Variants in MED12L observed in about 807,000 individuals in gnomAD.
The protein encoded by MED12L is mediator of RNA polymerase II transcription subunit 12-like protein.
A neutral mutation model predicts 281.3 loss-of-function variants in MED12L; 60 were observed. That is an observed-to-expected ratio of 0.21 (90% CI 0.17 to 0.26). The LOEUF (loss-of-function observed/expected upper bound fraction) is 0.26. Ranked by LOEUF, MED12L falls within the 10% of genes least tolerant of loss-of-function variation. The pLI is 1.00. For synonymous variants in MED12L, 974 were observed against 987.2 expected, an observed-to-expected ratio of 0.99 and a Z score of 0.25; for missense variants, 2,146 against 2,680.9, an observed-to-expected ratio of 0.80 and a Z score of 4.41.
intron 16 of MED12L, among the ~76,000 whole-genome samples, chr3:151,300,809 C>G (rs1420580119): frequency 6.6e-6 from 1 of 152,130 alleles, no homozygotes; most frequent in Non-Finnish European, 1.5e-5. Context: ...GCTGAGATAG[C>G]AGGGAAAGGG....
chr3:151,200,742 A>G (rs1266999488), intron 16 of MED12L, among the ~76,000 whole-genome samples: 1 of 152,268 alleles, frequency 6.6e-6, no homozygotes, highest in East Asian at 1.9e-4. Flanking sequence ...GAATAATGTC[A>G]TTCTTTACCA....
chr3:151,314,635 A>G (rs1345398436), intron 16 of MED12L, among the ~76,000 whole-genome samples: 12 of 152,338 alleles, frequency 7.9e-5, no homozygotes, highest in Admixed American at 1.3e-4. Context: ...TTTGATTAAC[A>G]TCACGTAGCT....
At chr3:151,087,317 C>T (rs945409223) in intron 2 of MED12L, among the ~76,000 whole-genome samples, 2 of 152,258 alleles carry the variant, frequency 1.3e-5, no homozygotes, top group Non-Finnish European at 2.9e-5. Flanking sequence ...CCTGCCGAAA[C>T]CTTGCTCGCT....
chr3:151,192,468 A>G, intron 14 of MED12L, 82 bp from the exon 15 acceptor site: 1 of 995,882 alleles, frequency 1.0e-6, no homozygotes, highest in South Asian at 1.4e-5. Flanking sequence ...ATGGTTAAAA[A>G]TCCCACTGTC....
At chr3:151,152,202 C>T (rs975085766) in intron 5 of MED12L, among the ~76,000 whole-genome samples, 8 of 145,328 alleles carry the variant, frequency 5.5e-5, no homozygotes, top group Non-Finnish European at 7.5e-5. Flanking sequence ...TGGGCTCAAG[C>T]GGCCTTCTGA....
intron 5 of MED12L, among the ~76,000 whole-genome samples, chr3:151,147,587 T>C (rs1178030944): frequency 3.3e-5 from 5 of 152,234 alleles, no homozygotes; most frequent in African/African-American, 1.2e-4. Flanking sequence ...TTTGTGGACA[T>C]TTTATATAAA....
At chr3:151,150,631 T>G (rs1718332042) in intron 5 of MED12L, among the ~76,000 whole-genome samples, 1 of 152,254 alleles carries the variant, frequency 6.6e-6, no homozygotes, top group South Asian at 2.1e-4. Context: ...ATGAAAGTCC[T>G]GGATGGCATC....
chr3:151,199,257 T>C (rs373786920), intron 16 of MED12L: 3 of 1,614,022 alleles, frequency 1.9e-6, no homozygotes, highest in Non-Finnish European at 2.5e-6. Flanking sequence ...CTGTGATTCG[T>C]ATTCTTCTGT....
chr3:151,338,069 G>A, intron 16 of MED12L: 3 of 1,614,050 alleles, frequency 1.9e-6, no homozygotes, highest in Non-Finnish European at 2.5e-6. Flanking sequence ...GGCTCAGGGT[G>A]TAAGGAATTC....
chr3:151,325,543 T>G (rs938630040), intron 16 of MED12L, among the ~76,000 whole-genome samples: 3 of 152,162 alleles, frequency 2.0e-5, no homozygotes. Context: ...GTGAAAGTGA[T>G]TTTAGGAAGT....
At chr3:151,151,957 A>G (rs1200571264) in intron 5 of MED12L, among the ~76,000 whole-genome samples, 2 of 152,186 alleles carry the variant, frequency 1.3e-5, no homozygotes, top group Non-Finnish European at 2.9e-5. Context: ...AGCACTGTAA[A>G]CATGGGAGAG....
Position 151,242,791 on chromosome 3 carries a change from G to T in MED12L, c.2250+49125G>T, listed in dbSNP as rs557962238. On this transcript the variant is annotated intron_variant, in intron 16 of 44. Transcript: ENST00000687756. ...GAATGACTTTGACGAGCTGAGAGAA[G>T]AAGGCTTCAGACGATCAAATTACTC... Among the ~76,000 whole-genome samples, 774 of 152,152 alleles carry T rather than the reference G, an allele frequency of 5.1e-3. 12 individuals are homozygous for T. Among genetic ancestry groups the T allele is most frequent in the African/African-American group, 0.017 (724 of 41,518 alleles).
chr3:151,110,412 C>T (rs886662302), intron 2 of MED12L, among the ~76,000 whole-genome samples: 2 of 152,150 alleles, frequency 1.3e-5, no homozygotes, highest in Non-Finnish European at 2.9e-5. Context: ...TAAAAGGGGT[C>T]TATTGGTGCA....
intron 16 of MED12L, among the ~76,000 whole-genome samples, chr3:151,277,101 G>A (rs185511194): frequency 6.6e-6 from 1 of 151,926 alleles, no homozygotes; most frequent in African/African-American, 2.4e-5. Context: ...GTTTTACCAC[G>A]TTGGCCAGGC....
intron 16 of MED12L, among the ~76,000 whole-genome samples, chr3:151,344,790 T>A (rs927276412): frequency 6.6e-6 from 1 of 152,222 alleles, no homozygotes; most frequent in Non-Finnish European, 1.5e-5. Context: ...TTAAGGACAT[T>A]AGTAATTTAA....
intron 16 of MED12L, among the ~76,000 whole-genome samples, chr3:151,322,356 T>C (rs1004650925): frequency 6.6e-6 from 1 of 151,950 alleles, no homozygotes; most frequent in East Asian, 1.9e-4. Context: ...CAGGTAATTT[T>C]TTTTTTATTT....
At chr3:151,360,115 A>C (rs1754428549) in intron 20 of MED12L, among the ~76,000 whole-genome samples, 1 of 152,100 alleles carries the variant, frequency 6.6e-6, no homozygotes, top group African/African-American at 2.4e-5. Flanking sequence ...TTGCACGCTG[A>C]TGGAATTTGT....
intron 41 of MED12L, among the ~76,000 whole-genome samples, chr3:151,412,623 T>C (rs975701424): frequency 6.6e-6 from 1 of 152,224 alleles, no homozygotes; most frequent in Non-Finnish European, 1.5e-5. Context: ...GTGCATTGTA[T>C]GTACAATTTT....
chr3:151,339,021 T>C (rs149368673), intron 16 of MED12L, among the ~76,000 whole-genome samples: 1 of 152,182 alleles, frequency 6.6e-6, no homozygotes, highest in Middle Eastern at 3.2e-3. Flanking sequence ...TCCCAAAATA[T>C]TTCATTGCAG....
Sources: gnomAD v4.1 joint callset for allele counts (sites outside exome capture counted in the v4.1 genomes callset) on GRCh38, gnomAD v4.1.1 for gene constraint, MANE v1.5 for transcripts, NCBI Gene and HGNC (gene_info 2026-07-23, HGNC 2026-07-21) for gene names.